The following SARNP variants were observed in gnomAD, a reference collection of about 807,000 sequenced individuals.
SARNP encodes the protein SAP domain-containing ribonucleoprotein.
A neutral mutation model predicts 38.1 loss-of-function variants in SARNP; 5 were observed. The observed-to-expected ratio is 0.13, with a 90% CI of 0.07 to 0.28. The LOEUF is 0.28. SARNP is among the 10% of genes least tolerant of loss of function. The pLI is 1.00. For synonymous variants in SARNP, 84 were observed against 80.6 expected (o/e 1.04, Z -0.23); for missense variants, 180 against 243.9 (o/e 0.74, Z 1.75).
At chr12:55,796,167 C>A (rs771173574) in intron 4 of SARNP, 91 bp from the exon 5 acceptor site, 1 of 899,796 alleles carries the variant, frequency 1.1e-6, no homozygotes, top group Admixed American at 1.9e-5. Context: ...AGTCACCATT[C>A]TCTGCCCTAT....
rs1880054624 is a variant in SARNP, at chr12:55,803,739, A to G, written c.37-11T>C. ...CTTTAGTTCGGCAAGCTGAGGGGAA[A>G]AAAATAAAACTTTTCCTTAGTTAAC... On this transcript the variant is annotated splice_polypyrimidine_tract_variant and intron_variant, in intron 1 of 10. Transcript: ENST00000336133. The G allele has an allele frequency of 5.0e-6, 8 of 1,603,748 alleles. No homozygotes were observed. The East Asian group carries it at 1.8e-4, about 36-fold the overall frequency.
chr12:55,786,180 A>G lies in SARNP; in HGVS notation c.501+2895T>C, dbSNP rs187142072. Among the ~76,000 whole-genome samples the G allele has an allele frequency of 4.6e-5, 7 of 152,390 alleles. No individual in the cohort carries two copies. In the East Asian group the frequency reaches 1.3e-3, roughly 29 times the overall value. On this transcript the variant is annotated intron_variant, in intron 9 of 10. Coordinates refer to ENST00000336133, the MANE Select transcript of SARNP (RefSeq NM_033082.4). The stretch of plus-strand genomic sequence containing the variant: ...AATACTATAAAAATAACACAGGTAT[A>G]CAGTATAGCATTGATGGACAAATTC...
intron 9 of SARNP, among the ~76,000 whole-genome samples, chr12:55,779,298 CA>C (rs776949289): frequency 1.7e-4 from 26 of 152,194 alleles, no homozygotes; most frequent in Non-Finnish European, 3.2e-4. Flanking sequence ...AGTGAGGTAT[CA>C]ATGGCTGAGG....
intron 9 of SARNP, among the ~76,000 whole-genome samples, chr12:55,772,091 C>A (rs536807498): frequency 9.5e-4 from 144 of 152,142 alleles, no homozygotes; most frequent in Non-Finnish European, 1.4e-3. Context: ...GACGACAGAA[C>A]ATAGGGTGGT....
At chr12:55,758,748 G>T (rs1164411112) in intron 10 of SARNP, among the ~76,000 whole-genome samples, 1 of 151,982 alleles carries the variant, frequency 6.6e-6, no homozygotes, top group African/African-American at 2.4e-5. Flanking sequence ...CACCATGATT[G>T]TAAGCTTCCT....
intron 9 of SARNP, among the ~76,000 whole-genome samples, chr12:55,783,861 G>A (rs542946371): frequency 2.0e-5 from 3 of 152,046 alleles, no homozygotes; most frequent in Non-Finnish European, 4.4e-5. Context: ...GGGAGGTTGA[G>A]GCAGGAGGAT....
intron 9 of SARNP, among the ~76,000 whole-genome samples, chr12:55,787,736 T>A (rs563966768): frequency 2.0e-5 from 3 of 147,488 alleles, no homozygotes; most frequent in African/African-American, 5.1e-5. Context: ...TCGACTGATT[T>A]TTTTCTTTCT....
intron 4 of SARNP, among the ~76,000 whole-genome samples, chr12:55,799,360 A>C: frequency 6.6e-6 from 1 of 152,166 alleles, no homozygotes; most frequent in East Asian, 1.9e-4. Context: ...TTGTGGAAAA[A>C]GCCCCAAATT....
At chr12:55,794,240 A>G (rs766485564) in intron 7 of SARNP, 119 bp downstream of exon 7, 158 of 889,650 alleles carry the variant, frequency 1.8e-4, no homozygotes, top group South Asian at 4.2e-4. Context: ...GAATGTTACA[A>G]TCTCTTAAAG....
intron 9 of SARNP, among the ~76,000 whole-genome samples, chr12:55,784,693 T>A (rs566587905): frequency 6.6e-6 from 1 of 152,216 alleles, no homozygotes; most frequent in Non-Finnish European, 1.5e-5. Flanking sequence ...AAGCTAGATA[T>A]GAGTTGTCCG....
chr12:55,781,543 AAAAAAC>A (rs1555172410), intron 9 of SARNP, among the ~76,000 whole-genome samples: 7 of 151,962 alleles, frequency 4.6e-5, no homozygotes, highest in Admixed American at 1.3e-4. Context: ...CAAAAAAAAA[AAAAAAC>A]AAAAACAAAA....
At chr12:55,764,091 T>C (rs575490325) in intron 9 of SARNP, among the ~76,000 whole-genome samples, 1 of 152,320 alleles carries the variant, frequency 6.6e-6, no homozygotes, top group African/African-American at 2.4e-5. Context: ...CCCCTTCTTC[T>C]AACGTACCAT....
At chr12:55,767,939 G>GT (rs999367181) in intron 9 of SARNP, among the ~76,000 whole-genome samples, 1 of 151,674 alleles carries the variant, frequency 6.6e-6, no homozygotes, top group African/African-American at 2.4e-5. Context: ...CCAAAGGCTG[G>GT]TAAGAATTAG....
intron 4 of SARNP, among the ~76,000 whole-genome samples, chr12:55,799,917 C>T (rs962571385): frequency 4.0e-4 from 60 of 150,002 alleles, no homozygotes; most frequent in African/African-American, 1.4e-3. Context: ...GGGCCGGGCA[C>T]GGTGGCTCAC....
intron 9 of SARNP, among the ~76,000 whole-genome samples, chr12:55,783,798 T>C (rs1260933924): frequency 6.6e-6 from 1 of 150,696 alleles, no homozygotes; most frequent in Non-Finnish European, 1.5e-5. Context: ...TTGTGACAAT[T>C]AAAAAAAAAT....
intron 1 of SARNP, among the ~76,000 whole-genome samples, chr12:55,811,812 T>A (rs554481499): frequency 1.3e-5 from 2 of 152,338 alleles, no homozygotes; most frequent in Admixed American, 6.5e-5. Flanking sequence ...CAAAGGCTAA[T>A]TCACTTCCCG....
Position 55,788,252 on chromosome 12 carries a change from AGCAT to A in SARNP, c.501+819_501+822del, listed in dbSNP as rs143377914. 9.2e-4 allele frequency among the ~76,000 whole-genome samples: 140 copies of A among 152,328 alleles called. 6 individuals carry two copies. The highest frequency in any genetic ancestry group is 7.1e-3 in the Admixed American group (109 of 15,300). ...CCCTGGGGAACCAATCACCCCACAT[AGCAT>A]GAAGTAAACAAAGTCATCTTGCTTA... On this transcript the variant is annotated intron_variant, in intron 9 of 10. Coordinates refer to ENST00000336133, the MANE Select transcript of SARNP (RefSeq NM_033082.4).
rs577393994 is a variant in SARNP at position 55,806,806 on chromosome 12, G to C, written c.37-3078C>G. Reference sequence around the variant, plus strand: ...ACCTGCCTCCGCCTCCCAAAGTGTTGGGATTACAGGCATGAGCCACCGCGC... The same window carrying C: ...ACCTGCCTCCGCCTCCCAAAGTGTTCGGATTACAGGCATGAGCCACCGCGC... On this transcript the variant is annotated intron_variant, in intron 1 of 10. Coordinates refer to ENST00000336133, the MANE Select transcript of SARNP (RefSeq NM_033082.4). Among the ~76,000 whole-genome samples the C allele has an allele frequency of 7.2e-5, 11 of 152,246 alleles. No homozygotes were observed. The South Asian group carries it at 2.1e-3, about 29-fold the overall frequency.
At chr12:55,775,269 A>G (rs930408729) in intron 9 of SARNP, among the ~76,000 whole-genome samples, 32 of 150,736 alleles carry the variant, frequency 2.1e-4, no homozygotes, top group Non-Finnish European at 3.0e-5. Flanking sequence ...AGAACATGAA[A>G]AAAAGATGGA....
Sources: allele counts gnomAD v4.1 joint callset (sites outside exome capture counted in the v4.1 genomes callset), GRCh38; gene constraint gnomAD v4.1.1; transcripts MANE v1.5; gene names NCBI Gene and HGNC (gene_info 2026-07-23, HGNC 2026-07-21).